Variants in INSR observed in about 807,000 individuals in gnomAD.
INSR encodes the protein IR.
Under a neutral mutation model 142.6 loss-of-function variants are expected in INSR, and 67 were observed. The observed-to-expected ratio is 0.47, with a 90% CI of 0.39 to 0.58. The LOEUF is 0.58. INSR is among the 20% of genes least tolerant of loss of function. The pLI is 0.00. For missense variants in INSR, 1,248 were observed against 1,833.2 expected, an observed-to-expected ratio of 0.68 and a Z score of 5.83; for synonymous variants, 756 against 743.1, an observed-to-expected ratio of 1.02 and a Z score of -0.28.
chr19:7,127,702 T>C (rs1972678898), intron 15 of INSR, among the ~76,000 whole-genome samples: 1 of 152,158 alleles, frequency 6.6e-6, no homozygotes, highest in Non-Finnish European at 1.5e-5. Context: ...TGTTGTTCTG[T>C]TGTTTGTCCA....
chr19:7,198,105 G>A (rs903837513), intron 2 of INSR, among the ~76,000 whole-genome samples: 10 of 151,992 alleles, frequency 6.6e-5, no homozygotes, highest in African/African-American at 2.2e-4. Context: ...GGGAGCCCTA[G>A]GCGCTCAAGG....
chr19:7,179,678 A>G (rs1974225587), intron 3 of INSR, among the ~76,000 whole-genome samples: 1 of 152,248 alleles, frequency 6.6e-6, no homozygotes, highest in Non-Finnish European at 1.5e-5. Context: ...CTGCAAAGGC[A>G]GAGTTAAGTA....
intron 9 of INSR, among the ~76,000 whole-genome samples, chr19:7,158,304 T>C (rs920597036): frequency 5.3e-5 from 8 of 151,572 alleles, no homozygotes; most frequent in South Asian, 2.1e-4. Flanking sequence ...ATCGAGACCA[T>C]CCTGGCTAAC....
At chr19:7,165,485 A>C (rs763758353) in intron 8 of INSR, among the ~76,000 whole-genome samples, 1 of 151,988 alleles carries the variant, frequency 6.6e-6, no homozygotes, top group Non-Finnish European at 1.5e-5. Flanking sequence ...TCATAATAGG[A>C]TGAAAAATAT....
chr19:7,174,445 G>A (rs1442270001), intron 4 of INSR, 138 bp downstream of exon 4: 21 of 911,158 alleles, frequency 2.3e-5, no homozygotes, highest in Non-Finnish European at 3.8e-5. Flanking sequence ...TTCTATCCAT[G>A]GGGGAGCCAC....
intron 14 of INSR, among the ~76,000 whole-genome samples, chr19:7,131,921 C>A (rs539632470): frequency 7.3e-5 from 11 of 151,526 alleles, no homozygotes; most frequent in Middle Eastern, 3.4e-3. Context: ...TCACTTGAAC[C>A]CGGGAGGCGG....
rs532639438 is a variant in INSR, at chr19:7,119,386, C to T, written c.3794+63G>A. 2.1e-4 allele frequency: 337 copies of T among 1,597,200 alleles called. No individual in the cohort carries two copies. The highest frequency in any genetic ancestry group is 4.8e-4 in the Admixed American group (29 of 59,886). On this transcript the variant is annotated intron_variant, in intron 21 of 21. Transcript: ENST00000302850. The surrounding 1 kb of genome is among the most constrained non-coding windows in gnomAD (Gnocchi z 5.2). ...CATAGGAAAGGCAAAACCAAGCACA[C>T]GTGTAAAGGGCAATACCCTTTCAAC... is the stretch of plus-strand genomic sequence containing the variant.
intron 2 of INSR, among the ~76,000 whole-genome samples, chr19:7,237,167 C>T (rs992489820): frequency 2.1e-4 from 32 of 151,844 alleles, no homozygotes; most frequent in African/African-American, 6.5e-4. Flanking sequence ...CAAATCACCA[C>T]GAAATAATTT....
In INSR at chr19:7,197,516, G is replaced by GGTGTGT. The variant is rs552352795; in HGVS notation, c.653-12885_653-12880dup. Among the ~76,000 whole-genome samples, 35 of 70,926 alleles carry GGTGTGT rather than the reference G, an allele frequency of 4.9e-4. 2 individuals are homozygous for GGTGTGT. The highest frequency in any genetic ancestry group is 1.8e-3 in the African/African-American group (29 of 16,422). 46.5% of individuals were successfully genotyped at this position (70,926 alleles called of 152,430 possible). A position where few individuals can be genotyped will look rare whatever the true frequency, so the allele number is the denominator to read the frequency against. On this transcript the variant is annotated intron_variant, in intron 2 of 21. Coordinates refer to ENST00000302850, the MANE Select transcript of INSR (RefSeq NM_000208.4). ...TGGCAGGTTCCAGAGTGGGAGTGGG[G>GGTGTGT]GTGTGTGTGTGTGTGTGTGTGTGTG...
At chr19:7,259,072 CCTCCTTCT>C (rs1976979845) in intron 2 of INSR, among the ~76,000 whole-genome samples, 1 of 132,776 alleles carries the variant, frequency 7.5e-6, no homozygotes, top group Non-Finnish European at 1.7e-5. Flanking sequence ...TTTCTCCTTC[CCTCCTTCT>C]TTCCTTCCCG....
At chr19:7,263,239 A>AGGTGGCAGC (rs2145200833) in intron 2 of INSR, among the ~76,000 whole-genome samples, 1 of 151,946 alleles carries the variant, frequency 6.6e-6, no homozygotes, top group Admixed American at 6.6e-5. Context: ...AGATCACACC[A>AGGTGGCAGC]CTGCCCCCCA....
chr19:7,202,785 G>T lies in INSR; in HGVS notation c.653-18148C>A, dbSNP rs550913992. Among the ~76,000 whole-genome samples the T allele has an allele frequency of 2.0e-5, 3 of 152,336 alleles. No individual in the cohort carries two copies. In the East Asian group the frequency reaches 5.8e-4, roughly 29 times the overall value. On this transcript the variant is annotated intron_variant, in intron 2 of 21. Coordinates refer to ENST00000302850, the MANE Select transcript of INSR (RefSeq NM_000208.4). ...CAAAGTGCTGGGATTACAGGCGTGA[G>T]CCATGGTGCCCAGCCCTTTTCGGTT...
intron 2 of INSR, among the ~76,000 whole-genome samples, chr19:7,246,863 T>A (rs540542486): frequency 1.4e-5 from 2 of 140,804 alleles, no homozygotes; most frequent in African/African-American, 3.2e-5. Flanking sequence ...CCAAGTTGTA[T>A]GTTTCAGGGT....
At chr19:7,218,996 A>G (rs80333859) in intron 2 of INSR, among the ~76,000 whole-genome samples, 9,209 of 152,318 alleles carry the variant, frequency 0.06, 367 homozygotes, top group Non-Finnish European at 0.084. Flanking sequence ...ATGTCAGAGA[A>G]GTAGGTAACT....
intron 13 of INSR, among the ~76,000 whole-genome samples, chr19:7,135,739 G>GCC: frequency 6.6e-6 from 1 of 152,096 alleles, no homozygotes; most frequent in South Asian, 2.1e-4. Context: ...GGAAGGCCGA[G>GCC]GCGGGCAGAT....
At chr19:7,283,099 G>A (rs10416131) in intron 1 of INSR, among the ~76,000 whole-genome samples, 6,178 of 151,714 alleles carry the variant, frequency 0.041, 432 homozygotes, top group African/African-American at 0.14. Context: ...AGGCTGAGGT[G>A]GGAGGACCAC....
Position 7,216,568 on chromosome 19 carries a change from G to C in INSR, c.653-31931C>G, listed in dbSNP as rs1975439455. Among the ~76,000 whole-genome samples the C allele has an allele frequency of 6.6e-6, 1 of 152,102 alleles. No individual in the cohort carries two copies. Among genetic ancestry groups the C allele is most frequent in the Non-Finnish European group, 1.5e-5 (1 of 68,016 alleles). On this transcript the variant is annotated intron_variant, in intron 2 of 21. Transcript: ENST00000302850. The surrounding 1 kb of genome is among the most constrained non-coding windows in gnomAD (Gnocchi z 4.2). ...AATGCAGGCCCCTTGTATCCAGGGGGTCTGGGAAGGAACAAATTGCCACGG... is the reference window on the plus strand; with the variant it reads ...AATGCAGGCCCCTTGTATCCAGGGGCTCTGGGAAGGAACAAATTGCCACGG...
intron 2 of INSR, among the ~76,000 whole-genome samples, chr19:7,254,719 G>C (rs1035930365): frequency 6.6e-6 from 1 of 152,186 alleles, no homozygotes; most frequent in Non-Finnish European, 1.5e-5. Flanking sequence ...CTGCCAGCCT[G>C]ACGCACAGGC....
chr19:7,149,041 C>G (rs553844151), intron 11 of INSR, among the ~76,000 whole-genome samples: 3 of 152,254 alleles, frequency 2.0e-5, no homozygotes, highest in East Asian at 3.9e-4. Flanking sequence ...GTGATTGCCC[C>G]GCCTGGGGTA....
Sources: allele counts gnomAD v4.1 joint callset (sites outside exome capture counted in the v4.1 genomes callset), GRCh38; gene constraint gnomAD v4.1.1; non-coding constraint Gnocchi (gnomAD v3.1); transcripts MANE v1.5; gene names NCBI Gene and HGNC (gene_info 2026-07-23, HGNC 2026-07-21).